The following EPG5 variants were observed in gnomAD, a reference collection of about 807,000 sequenced individuals.
The protein encoded by EPG5 is ectopic P-granules 5 autophagy tethering factor.
Under a neutral mutation model 302.7 loss-of-function variants are expected in EPG5, and 159 were observed. The ratio of observed to expected loss-of-function variants is 0.53; its 90% CI spans 0.46 to 0.60. The LOEUF (loss-of-function observed/expected upper bound fraction) is 0.60, where lower values mean the gene tolerates loss of function less well. Among genes scored for constraint, EPG5 ranks in the 20% least tolerant of loss-of-function variants. EPG5 has a pLI of 0.00. For missense variants in EPG5, 2,896 were observed against 3,092.4 expected (o/e 0.94, Z 1.51); for synonymous variants, 1,158 against 1,136.8 (o/e 1.02, Z -0.37).
At position 45,967,192 on chromosome 18, in the gene EPG5, G is replaced by T; in HGVS notation, c.48C>A (p.Ser16Arg). ...KPQRRAKAKA[S>R]RTKTKEKKKY... ...AGATCCTCACCTTTGTTTTAGTCCGGCTGGCCTTGGCCTTGGCCCGGCGCT... is the reference window on the plus strand; with the variant it reads ...AGATCCTCACCTTTGTTTTAGTCCGTCTGGCCTTGGCCTTGGCCCGGCGCT... Residue 16 changes from serine (S) to arginine (R), a missense_variant, in exon 1 of 44, where the codon AGC becomes AGA. By Grantham distance (110) the Ser-to-Arg change is moderately radical (BLOSUM62 -1). Transcript: ENST00000282041. The T allele has an allele frequency of 6.2e-7, 1 of 1,603,980 alleles. No homozygotes were observed. Among genetic ancestry groups the T allele is most frequent in the Non-Finnish European group, 8.5e-7 (1 of 1,175,414 alleles).
chr18:45,833,243 C>T, the EPG5 span, among the ~76,000 whole-genome samples: 5 of 152,286 alleles, frequency 3.3e-5, no homozygotes, highest in Admixed American at 2.0e-4. Flanking sequence ...CTGCAAACCC[C>T]AGTTTCCCCT....
chr18:45,821,164 G>C, the EPG5 span, among the ~76,000 whole-genome samples: 26 of 152,300 alleles, frequency 1.7e-4, no homozygotes, highest in African/African-American at 6.0e-4. Flanking sequence ...TTTTCTTGTT[G>C]ATGACTATCA....
Position 45,890,223 on chromosome 18 carries a change from C to T in EPG5, c.4810-283G>A, listed in dbSNP as rs2049311329. ...TTTCTTGAAGCACAGGAAGCCCCTC[C>T]ACTGCTGATCATGGCTCCCCAGCCG... On this transcript the variant is annotated intron_variant, in intron 27 of 43. Transcript: ENST00000282041. The T allele has an allele frequency of 1.2e-5, 3 of 240,638 alleles. No homozygotes were observed. In the Admixed American group the frequency reaches 1.6e-4, roughly 13 times the overall value. The allele number at this position is 240,638 out of a possible 1,614,324, so 14.9% of individuals were successfully genotyped here.
intron 13 of EPG5, among the ~76,000 whole-genome samples, chr18:45,927,591 T>TACAC (rs770234934): frequency 3.3e-3 from 247 of 75,614 alleles, no homozygotes; most frequent in African/African-American, 7.0e-3. Flanking sequence ...AACAAAAAGT[T>TACAC]ATACACACAC....
chr18:45,889,804 A>C lies in EPG5; in HGVS notation c.4946T>G (p.Leu1649Trp). The change falls in exon 28 of 44, where the codon TTG (leucine) becomes TGG (tryptophan). Residue 1649 changes from leucine to tryptophan, a missense_variant. Physicochemically the swap from Leu to Trp is moderately conservative, Grantham distance 61. Around this residue, in one of 5 missense-constraint regions of EPG5, gnomAD observed 790 missense variants for 798.0 expected, o/e 0.99. Coordinates refer to ENST00000282041, the MANE Select transcript of EPG5 (RefSeq NM_020964.3). ...TAATGCCTGCAAAACTTACGTGATC[A>C]AGTTTTCTGCATGTACAGCAGCTTC... ...IVEAAVHAEN[L>W]ITALVNAYKL... 1 of 1,598,666 alleles carries C rather than the reference A, an allele frequency of 6.3e-7. No individual in the cohort carries two copies. Among genetic ancestry groups the C allele is most frequent in the Non-Finnish European group, 8.5e-7 (1 of 1,173,512 alleles).
chr18:45,945,666 A>C (rs1305940712), intron 7 of EPG5, among the ~76,000 whole-genome samples: 2 of 152,208 alleles, frequency 1.3e-5, no homozygotes, highest in Non-Finnish European at 2.9e-5. Context: ...CCCAAGAAAG[A>C]CCACTCTAAA....
intron 25 of EPG5, 46 bp downstream of exon 25, chr18:45,903,927 A>T: frequency 6.4e-7 from 1 of 1,553,058 alleles, no homozygotes. Context: ...CTCTGATTCA[A>T]TCATTCATTC....
chr18:45,854,540 CTT>C (rs1167140560), intron 43 of EPG5, among the ~76,000 whole-genome samples: 2 of 152,146 alleles, frequency 1.3e-5, no homozygotes, highest in Admixed American at 6.5e-5. Flanking sequence ...CTCTCTCTCT[CTT>C]TCCTCATCCA....
the EPG5 span, chr18:45,825,756 T>C: frequency 1.9e-6 from 3 of 1,614,248 alleles, no homozygotes; most frequent in Non-Finnish European, 2.5e-6. Context: ...GCTGCTGGCC[T>C]GCTTGGCGTG....
chr18:45,879,363 T>C (rs1396057356), intron 32 of EPG5, 149 bp from the exon 33 acceptor site: 3 of 625,306 alleles, frequency 4.8e-6, no homozygotes, highest in Non-Finnish European at 8.2e-6. Context: ...AAATCAATGG[T>C]TTTTTGTTTT....
At chr18:45,950,403 T>C (rs2050881141) in intron 4 of EPG5, among the ~76,000 whole-genome samples, 1 of 152,218 alleles carries the variant, frequency 6.6e-6, no homozygotes, top group South Asian at 2.1e-4. Flanking sequence ...ATTCTCATGA[T>C]AGTGAATAAG....
chr18:45,923,287 A>G lies in EPG5; in HGVS notation c.2819T>C (p.Leu940Pro). 1 of 1,613,864 alleles carries G rather than the reference A, an allele frequency of 6.2e-7. No individual in the cohort carries two copies. The highest frequency in any genetic ancestry group is 8.5e-7 in the Non-Finnish European group (1 of 1,179,916). The change falls in exon 15 of 44, where the codon CTC becomes CCC. Residue 940 changes from leucine to proline, a missense_variant. Leu to Pro is a moderately conservative substitution (Grantham distance 98). Coordinates refer to ENST00000282041, the MANE Select transcript of EPG5 (RefSeq NM_020964.3). Reference sequence around the variant, plus strand: ...AAATACCTGCTTCATACTTTCAGAGAGAATCCCAGCATATGGCTTCTGTGC... The same window carrying G: ...AAATACCTGCTTCATACTTTCAGAGGGAATCCCAGCATATGGCTTCTGTGC... The part of the protein sequence containing the change: ...YLAQKPYAGI[L>P]SESMKQVSYL...
rs1568094617 is a variant in EPG5 at position 45,858,162 on chromosome 18, A to ATCTC, written c.7227-95_7227-94insGAGA. ...CACATCAGAGTTTGAAGGATAGGAGACATTCAGTACTTCAAAAGCACAGGC... is the reference window on the plus strand; with the variant it reads ...CACATCAGAGTTTGAAGGATAGGAGATCTCCATTCAGTACTTCAAAAGCACAGGC... On this transcript the variant is annotated intron_variant, in intron 41 of 43. Transcript: ENST00000282041. 5.6e-6 allele frequency: 5 copies of ATCTC among 887,546 alleles called. No homozygotes were observed. The East Asian group carries it at 1.3e-4, about 23-fold the overall frequency. 55.0% of individuals were successfully genotyped at this position (887,546 alleles called of 1,614,324 possible).
In EPG5 at chr18:45,910,714, T is replaced by A; in HGVS notation, c.4012A>T (p.Arg1338Trp). 1 of 1,614,124 alleles carries A rather than the reference T, an allele frequency of 6.2e-7. No homozygotes were observed. The highest frequency in any genetic ancestry group is 8.5e-7 in the Non-Finnish European group (1 of 1,180,006). Residue 1338 changes from arginine (R) to tryptophan (W), a missense_variant, in exon 23 of 44, where the codon AGG (arginine) becomes TGG (tryptophan). Arg to Trp is a moderately radical substitution (Grantham distance 101). Transcript: ENST00000282041. ...ATATGAGCAGGACTTTGAAAAAACC[T>A]TCTTCCAATACAACCATCTATGGGT... The part of the protein sequence containing the change: ...GLPIDGCIGR[R>W]FFQSPAHINL...
chr18:45,928,408 A>C (rs990475099), intron 13 of EPG5, among the ~76,000 whole-genome samples: 1 of 152,204 alleles, frequency 6.6e-6, no homozygotes, highest in African/African-American at 2.4e-5. Flanking sequence ...TGAAGATTGC[A>C]AAAGGGATTG....
In EPG5 at chr18:45,852,301, A is replaced by G. The variant is rs549239204; in HGVS notation, c.*166T>C. ...AGAAAACACACACACACACACACAC[A>G]CACCCCAAAATTATCTAATATCTAA... On this transcript the variant is annotated 3_prime_UTR_variant, in exon 44 of 44. Transcript: ENST00000282041. 5 of 607,346 alleles carry G rather than the reference A, an allele frequency of 8.2e-6. No individual in the cohort carries two copies. The East Asian group carries it at 1.4e-4, about 17-fold the overall frequency. 37.6% of individuals were successfully genotyped at this position (607,346 alleles called of 1,614,324 possible).
chr18:45,950,256 G>A (rs576237974), intron 4 of EPG5, among the ~76,000 whole-genome samples: 2 of 152,270 alleles, frequency 1.3e-5, no homozygotes, highest in East Asian at 3.9e-4. Context: ...ATATCTTGGT[G>A]ATATGGTTTG....
At chr18:45,929,154 C>A in intron 12 of EPG5, 145 bp from the exon 13 acceptor site, 3 of 817,258 alleles carry the variant, frequency 3.7e-6, no homozygotes, top group Non-Finnish European at 5.6e-6. Flanking sequence ...GTTAAAACTT[C>A]ATACAGGCAA....
At chr18:45,890,202 T>C in intron 27 of EPG5, 3 of 276,426 alleles carry the variant, frequency 1.1e-5, no homozygotes, top group Non-Finnish European at 2.1e-5. Context: ...GAGGCTTTTC[T>C]TGAAGCACAG....
Sources: allele counts gnomAD v4.1 joint callset (sites outside exome capture counted in the v4.1 genomes callset), GRCh38; gene constraint gnomAD v4.1.1; regional missense constraint gnomAD v4.1.1; transcripts MANE v1.5; gene names NCBI Gene and HGNC (gene_info 2026-07-23, HGNC 2026-07-21).